INPP4B: variants seen among roughly 807,000 people sequenced by gnomAD.
INPP4B encodes inositol polyphosphate-4-phosphatase type II B, also known as inositol polyphosphate 4-phosphatase type II.
INPP4B carries 55 observed loss-of-function variants against 122.5 expected under a neutral mutation model. The observed-to-expected ratio is 0.45, with a 90% CI of 0.36 to 0.56. INPP4B has a LOEUF of 0.56. Among genes scored for constraint, INPP4B ranks in the 20% least tolerant of loss-of-function variants. INPP4B has a pLI of 0.00. For synonymous variants in INPP4B, 403 were observed against 388.7 expected, an observed-to-expected ratio of 1.04 and a Z score of -0.43; for missense variants, 1,000 against 1,097.7, an observed-to-expected ratio of 0.91 and a Z score of 1.26.
rs541306924 is a variant in INPP4B at position 142,185,787 on chromosome 4, G to A, written c.1181+7300C>T. Among the ~76,000 whole-genome samples the A allele has an allele frequency of 1.3e-4, 19 of 150,692 alleles. No homozygotes were observed. In the East Asian group the frequency reaches 3.6e-3, roughly 28 times the overall value. On this transcript the variant is annotated intron_variant, in intron 15 of 25. Transcript: ENST00000262992. ...CCAGCTACTCGGGAGGCTGAGGCAGGAGAATGGTGTGAACCTGAGAGGCGG... is the reference window on the plus strand; with the variant it reads ...CCAGCTACTCGGGAGGCTGAGGCAGAAGAATGGTGTGAACCTGAGAGGCGG...
At chr4:142,818,897 T>C (rs996317457) in intron 1 of INPP4B, among the ~76,000 whole-genome samples, 1 of 152,210 alleles carries the variant, frequency 6.6e-6, no homozygotes, top group African/African-American at 2.4e-5. Flanking sequence ...GATATCATAT[T>C]GGCTTATGAG....
At chr4:142,625,714 A>G (rs1055526090) in intron 2 of INPP4B, among the ~76,000 whole-genome samples, 17 of 152,118 alleles carry the variant, frequency 1.1e-4, no homozygotes, top group Admixed American at 2.6e-4. Flanking sequence ...GAGGCATCAC[A>G]CTACCTGATT....
intron 1 of INPP4B, among the ~76,000 whole-genome samples, chr4:142,827,730 G>GA (rs1426466353): frequency 6.6e-6 from 1 of 152,064 alleles, no homozygotes; most frequent in Non-Finnish European, 1.5e-5. Flanking sequence ...CCTATCTACA[G>GA]AAAAAACAAA....
chr4:142,392,062 CT>C (rs1310955947), intron 7 of INPP4B, among the ~76,000 whole-genome samples: 2 of 152,194 alleles, frequency 1.3e-5, no homozygotes, highest in Non-Finnish European at 2.9e-5. Context: ...AAGACCAAAT[CT>C]TCTGAGAATA....
At chr4:142,793,269 T>G (rs1004042238) in intron 1 of INPP4B, among the ~76,000 whole-genome samples, 1 of 152,102 alleles carries the variant, frequency 6.6e-6, no homozygotes, top group African/African-American at 2.4e-5. Context: ...AGCCAGAAAG[T>G]CCACTAGACT....
chr4:142,333,892 T>C (rs757700219), intron 7 of INPP4B, among the ~76,000 whole-genome samples: 37 of 152,208 alleles, frequency 2.4e-4, no homozygotes, highest in Non-Finnish European at 5.1e-4. Context: ...GCATTCAAGA[T>C]CTACTCTCCT....
chr4:142,163,636 A>G (rs907722132), intron 16 of INPP4B, among the ~76,000 whole-genome samples: 12 of 151,840 alleles, frequency 7.9e-5, no homozygotes, highest in African/African-American at 2.9e-4. Flanking sequence ...ACTGTGCCTA[A>G]TTTTAAATTA....
intron 1 of INPP4B, among the ~76,000 whole-genome samples, chr4:142,808,103 TACACACAC>T (rs34768563): frequency 6.7e-6 from 1 of 149,404 alleles, no homozygotes; most frequent in Admixed American, 6.7e-5. Flanking sequence ...CATGATAAAA[TACACACAC>T]ACACACACAC....
At chr4:142,544,043 A>G (rs1311782453) in intron 2 of INPP4B, among the ~76,000 whole-genome samples, 1 of 151,774 alleles carries the variant, frequency 6.6e-6, no homozygotes, top group Non-Finnish European at 1.5e-5. Context: ...TCTTTGGAGA[A>G]AGCTGAGCTA....
intron 5 of INPP4B, among the ~76,000 whole-genome samples, chr4:142,408,591 C>T (rs947949482): frequency 2.0e-5 from 3 of 152,160 alleles, no homozygotes; most frequent in Non-Finnish European, 4.4e-5. Context: ...TCCAGCTATA[C>T]TTACCACTGC....
chr4:142,475,741 A>T (rs1165760160), intron 2 of INPP4B, among the ~76,000 whole-genome samples: 1 of 152,182 alleles, frequency 6.6e-6, no homozygotes, highest in Non-Finnish European at 1.5e-5. Context: ...AGGAGGAAAG[A>T]ATCTCAGAGT....
chr4:142,587,536 T>C (rs578142218), intron 2 of INPP4B, among the ~76,000 whole-genome samples: 1 of 152,120 alleles, frequency 6.6e-6, no homozygotes, highest in Non-Finnish European at 1.5e-5. Flanking sequence ...CAATTCTTTT[T>C]TAAGAAAAAT....
intron 2 of INPP4B, among the ~76,000 whole-genome samples, chr4:142,708,183 C>T (rs1296682480): frequency 6.6e-6 from 1 of 152,148 alleles, no homozygotes; most frequent in African/African-American, 2.4e-5. Context: ...CTTCTAACAA[C>T]ATATGCTCAT....
At chr4:142,233,908 G>A (rs1193304219) in intron 12 of INPP4B, among the ~76,000 whole-genome samples, 1 of 152,066 alleles carries the variant, frequency 6.6e-6, no homozygotes, top group African/African-American at 2.4e-5. Flanking sequence ...TGTTTGGTGT[G>A]TAATGGTTTC....
At chr4:142,564,451 A>AAGAAAGAAAG (rs754667684) in intron 2 of INPP4B, among the ~76,000 whole-genome samples, 1 of 131,682 alleles carries the variant, frequency 7.6e-6, no homozygotes, top group African/African-American at 2.8e-5. Flanking sequence ...AAAAAAAAAA[A>AAGAAAGAAAG]AAAGAAAGAA....
At chr4:142,367,523 C>T (rs922949134) in intron 7 of INPP4B, among the ~76,000 whole-genome samples, 6 of 151,738 alleles carry the variant, frequency 4.0e-5, no homozygotes, top group Non-Finnish European at 8.8e-5. Context: ...CTATTCCTGT[C>T]TCCATTTCAC....
At chr4:142,534,230 A>T (rs1827934597) in intron 2 of INPP4B, among the ~76,000 whole-genome samples, 1 of 152,128 alleles carries the variant, frequency 6.6e-6, no homozygotes, top group Non-Finnish European at 1.5e-5. Context: ...CAAGTCATGA[A>T]AAATAATTTC....
At chr4:142,667,587 G>A (rs867037384) in intron 2 of INPP4B, among the ~76,000 whole-genome samples, 15 of 152,238 alleles carry the variant, frequency 9.9e-5, no homozygotes, top group Non-Finnish European at 1.3e-4. Context: ...CTCCATCTGT[G>A]AGCATATCTC....
At chr4:142,523,591 A>G (rs13107432) in intron 2 of INPP4B, among the ~76,000 whole-genome samples, 55,212 of 151,906 alleles carry the variant, frequency 0.36, 11,741 homozygotes, top group Non-Finnish European at 0.5. Flanking sequence ...TCTTCCCACA[A>G]TGTCCCTCCT....
Sources: allele counts gnomAD v4.1 joint callset (sites outside exome capture counted in the v4.1 genomes callset), GRCh38; gene constraint gnomAD v4.1.1; transcripts MANE v1.5; gene names NCBI Gene and HGNC (gene_info 2026-07-23, HGNC 2026-07-21).